The following LRP1B variants were observed in gnomAD, a reference collection of about 807,000 sequenced individuals.
LRP1B encodes low-density lipoprotein receptor-related protein 1B.
In LRP1B, 217 loss-of-function variants were observed where a neutral mutation model predicts 556.6. The ratio of observed to expected loss-of-function variants is 0.39; its 90% CI spans 0.35 to 0.44. The LOEUF is 0.44. Among genes scored for constraint, LRP1B ranks in the 20% least tolerant of loss-of-function variants. The pLI is 1.00. For synonymous variants in LRP1B, 2,047 were observed against 1,865.8 expected, an observed-to-expected ratio of 1.10 and a Z score of -2.50; for missense variants, 5,053 against 5,620.8, an observed-to-expected ratio of 0.90 and a Z score of 3.23.
intron 7 of LRP1B, among the ~76,000 whole-genome samples, chr2:141,141,041 C>T (rs1701639628): frequency 6.6e-6 from 1 of 151,956 alleles, no homozygotes; most frequent in South Asian, 2.1e-4. Flanking sequence ...TGGGCAATGA[C>T]TAATTGCTAG....
chr2:140,462,032 A>G (rs1377899808), intron 60 of LRP1B, among the ~76,000 whole-genome samples: 2 of 152,172 alleles, frequency 1.3e-5, no homozygotes, highest in African/African-American at 4.8e-5. Context: ...TACCTAAACA[A>G]TCAGTGATCC....
chr2:141,830,476 A>G (rs1260181990), intron 1 of LRP1B, among the ~76,000 whole-genome samples: 2 of 151,872 alleles, frequency 1.3e-5, no homozygotes, highest in Admixed American at 1.3e-4. Context: ...AACACAGAAC[A>G]CATTCCAAGA....
At chr2:141,728,832 A>G (rs2164694) in intron 2 of LRP1B, among the ~76,000 whole-genome samples, 87,904 of 152,026 alleles carry the variant, frequency 0.58, 26,360 homozygotes, top group East Asian at 0.93. Flanking sequence ...GATTGACTCT[A>G]TCCGCTCTCA....
chr2:141,620,335 C>T (rs762236090), intron 2 of LRP1B, among the ~76,000 whole-genome samples: 9 of 152,214 alleles, frequency 5.9e-5, no homozygotes, highest in Non-Finnish European at 1.2e-4. Flanking sequence ...TACACTGTCC[C>T]TCTCTTTGAA....
At chr2:142,093,541 A>G (rs1706250701) in intron 1 of LRP1B, among the ~76,000 whole-genome samples, 1 of 152,092 alleles carries the variant, frequency 6.6e-6, no homozygotes, top group African/African-American at 2.4e-5. Context: ...CTTATAGTCC[A>G]CATCACATAT....
chr2:141,545,787 A>G lies in LRP1B; in HGVS notation c.206-65254T>C, dbSNP rs1020035480. ...AGAGATGTGGCATTGATGACTTTGA[A>G]GACAAAAAGGCCATGAGAGAAGGAA... On this transcript the variant is annotated intron_variant, in intron 2 of 90. Transcript: ENST00000389484. Among the ~76,000 whole-genome samples the G allele has an allele frequency of 2.6e-5, 4 of 152,140 alleles. No homozygotes were observed. In the East Asian group the frequency reaches 7.7e-4, roughly 29 times the overall value.
At chr2:140,649,211 T>G (rs565320586) in intron 41 of LRP1B, among the ~76,000 whole-genome samples, 17 of 152,176 alleles carry the variant, frequency 1.1e-4, no homozygotes, top group Non-Finnish European at 8.8e-5. Flanking sequence ...GGTAGTGATT[T>G]CCTACCTAAT....
At chr2:141,377,081 C>T (rs1689465550) in intron 3 of LRP1B, among the ~76,000 whole-genome samples, 1 of 152,118 alleles carries the variant, frequency 6.6e-6, no homozygotes, top group African/African-American at 2.4e-5. Context: ...TTTCTTTCAA[C>T]ACATGTCTAT....
Position 140,486,795 on chromosome 2 carries a change from A to G in LRP1B, c.9243+822T>C, listed in dbSNP as rs184748807. On this transcript the variant is annotated intron_variant, in intron 58 of 90. Coordinates refer to ENST00000389484, the MANE Select transcript of LRP1B (RefSeq NM_018557.3). Reference sequence around the variant, plus strand: ...ATTATATAGTGATCTTTTATTATATAAACCATTATTAAATACAGCTACTTT... The same window carrying G: ...ATTATATAGTGATCTTTTATTATATGAACCATTATTAAATACAGCTACTTT... Among the ~76,000 whole-genome samples, 222 of 152,000 alleles carry G rather than the reference A, an allele frequency of 1.5e-3. 1 individual carries two copies. The highest frequency in any genetic ancestry group is 1.5e-4 in the Non-Finnish European group (10 of 67,790).
intron 2 of LRP1B, among the ~76,000 whole-genome samples, chr2:141,535,607 A>T (rs1043444477): frequency 6.6e-6 from 1 of 152,074 alleles, no homozygotes; most frequent in African/African-American, 2.4e-5. Context: ...TTAGTGAAAA[A>T]CTAAAGCAAG....
At chr2:141,374,784 C>A (rs912660716) in intron 3 of LRP1B, among the ~76,000 whole-genome samples, 2 of 152,024 alleles carry the variant, frequency 1.3e-5, no homozygotes, top group Non-Finnish European at 2.9e-5. Context: ...TTTCTGATTT[C>A]TTTGTATTGG....
rs200383525 is a variant in LRP1B, at chr2:140,531,178, C to T, written c.7762+2843G>A. On this transcript the variant is annotated intron_variant, in intron 47 of 90. Coordinates refer to ENST00000389484, the MANE Select transcript of LRP1B (RefSeq NM_018557.3). ...CCATAGTTTCTTTTGATGAATCTTG[C>T]CTTAAAATCTATTTTCTGTATTTAT... 2.0e-5 allele frequency among the ~76,000 whole-genome samples: 3 copies of T among 152,054 alleles called. No individual in the cohort carries two copies. In the East Asian group the frequency reaches 5.8e-4, roughly 29 times the overall value.
chr2:141,516,784 G>A lies in LRP1B; in HGVS notation c.206-36251C>T, dbSNP rs555712374. Among the ~76,000 whole-genome samples the A allele has an allele frequency of 8.2e-5, 12 of 146,306 alleles. No individual in the cohort carries two copies. The South Asian group carries it at 1.7e-3, about 21-fold the overall frequency. ...GTGAACTAGGCTCACTGCAACCTCC[G>A]CCTCCCAGGCTCAAGTGATTCTCTT... On this transcript the variant is annotated intron_variant, in intron 2 of 90. Coordinates refer to ENST00000389484, the MANE Select transcript of LRP1B (RefSeq NM_018557.3).
chr2:141,412,048 G>A (rs1408066328), intron 3 of LRP1B, among the ~76,000 whole-genome samples: 1 of 151,816 alleles, frequency 6.6e-6, no homozygotes, highest in Admixed American at 6.6e-5. Context: ...ACATTGCATT[G>A]TGCTAAATTA....
rs70994471 is a variant in LRP1B at position 142,015,991 on chromosome 2, CA to C, written c.82+114656del. On this transcript the variant is annotated intron_variant, in intron 1 of 90. Coordinates refer to ENST00000389484, the MANE Select transcript of LRP1B (RefSeq NM_018557.3). ...TGGGCAACAGCGCGAGACTCCATCT[CA>C]AAAAAAAAAAAAAAAAAAAAGTGGG... Among the ~76,000 whole-genome samples the C allele has an allele frequency of 2.4e-3, 95 of 38,786 alleles. 1 individual carries two copies. The highest frequency in any genetic ancestry group is 8.7e-3 in the African/African-American group (84 of 9,678). 25.4% of individuals were successfully genotyped at this position (38,786 alleles called of 152,430 possible).
chr2:140,874,671 G>A lies in LRP1B; in HGVS notation c.4170-6408C>T, dbSNP rs191891774. 2.4e-3 allele frequency among the ~76,000 whole-genome samples: 355 copies of A among 150,908 alleles called. 6 individuals are homozygous for A. The highest frequency in any genetic ancestry group is 9.3e-4 in the African/African-American group (38 of 41,046). On this transcript the variant is annotated intron_variant, in intron 25 of 90. Transcript: ENST00000389484. ...ACTACATCCGTTTATCTTTCTGTACGTGCTTTTAAAGTACTTGTGATATTA... is the reference window on the plus strand; with the variant it reads ...ACTACATCCGTTTATCTTTCTGTACATGCTTTTAAAGTACTTGTGATATTA...
At chr2:141,979,013 T>C (rs1421359830) in intron 1 of LRP1B, among the ~76,000 whole-genome samples, 1 of 151,794 alleles carries the variant, frequency 6.6e-6, no homozygotes, top group African/African-American at 2.4e-5. Flanking sequence ...AAACCAATGG[T>C]CTATAGTTTT....
intron 2 of LRP1B, among the ~76,000 whole-genome samples, chr2:141,567,410 T>C (rs936262588): frequency 5.9e-5 from 9 of 152,334 alleles, no homozygotes; most frequent in African/African-American, 1.9e-4. Flanking sequence ...CCAATAGATA[T>C]GAAAATATTT....
At chr2:140,644,406 T>C (rs980525742) in intron 41 of LRP1B, among the ~76,000 whole-genome samples, 4 of 149,734 alleles carry the variant, frequency 2.7e-5, no homozygotes, top group African/African-American at 9.8e-5. Context: ...TTTTTCTTTT[T>C]TTTTTTTTTT....
Sources: gnomAD v4.1 joint callset for allele counts (sites outside exome capture counted in the v4.1 genomes callset) on GRCh38, gnomAD v4.1.1 for gene constraint, MANE v1.5 for transcripts, NCBI Gene and HGNC (gene_info 2026-07-23, HGNC 2026-07-21) for gene names.